Variants in NRG1 observed in about 807,000 individuals in gnomAD.
The protein encoded by NRG1 is pro-neuregulin-1, membrane-bound isoform.
NRG1 carries 18 observed loss-of-function variants against 63.8 expected under a neutral mutation model. The ratio of observed to expected loss-of-function variants is 0.28; its 90% CI spans 0.19 to 0.42. NRG1 has a LOEUF of 0.42. Among genes scored for constraint, NRG1 ranks in the 10% least tolerant of loss-of-function variants. The pLI is 1.00. For synonymous variants in NRG1, 302 were observed against 301.3 expected (o/e 1.00, Z -0.02); for missense variants, 762 against 814.7 (o/e 0.94, Z 0.79).
At chr8:31,907,292 TG>T (rs1195294371) in intron 1 of NRG1, among the ~76,000 whole-genome samples, 1 of 151,960 alleles carries the variant, frequency 6.6e-6, no homozygotes, top group Non-Finnish European at 1.5e-5. Context: ...GACTGGGAAT[TG>T]ATAATACTAA....
At chr8:32,679,060 G>A (rs1807933366) in intron 5 of NRG1, among the ~76,000 whole-genome samples, 1 of 152,016 alleles carries the variant, frequency 6.6e-6, no homozygotes, top group African/African-American at 2.4e-5. Flanking sequence ...AGGAGGCTGA[G>A]GTGGGAGGAT....
chr8:32,414,481 A>G (rs1158497414), intron 1 of NRG1, among the ~76,000 whole-genome samples: 1 of 152,160 alleles, frequency 6.6e-6, no homozygotes, highest in Non-Finnish European at 1.5e-5. Context: ...TTGCATAGTC[A>G]CTATCTTATG....
chr8:32,240,559 A>G (rs774772428), intron 1 of NRG1, among the ~76,000 whole-genome samples: 14 of 152,134 alleles, frequency 9.2e-5, no homozygotes, highest in Non-Finnish European at 1.8e-4. Context: ...ACACATACAC[A>G]TATGAGTGCA....
chr8:32,749,503 T>C, intron 7 of NRG1: 1 of 1,578,676 alleles, frequency 6.3e-7, no homozygotes, highest in Non-Finnish European at 8.7e-7. Context: ...AGTGTATTGC[T>C]CTTTTCTGAA....
intron 1 of NRG1, chr8:31,639,687 G>T: frequency 7.1e-7 from 1 of 1,401,708 alleles, no homozygotes. Flanking sequence ...CGGGGGGTGG[G>T]GGGACCTGTC....
chr8:32,500,681 A>T (rs1827755617), intron 1 of NRG1, among the ~76,000 whole-genome samples: 1 of 152,296 alleles, frequency 6.6e-6, no homozygotes, highest in Non-Finnish European at 1.5e-5. Context: ...TTTTGGAGAG[A>T]TCAGGTAGGG....
At chr8:31,742,772 C>T (rs1160207654) in intron 1 of NRG1, among the ~76,000 whole-genome samples, 1 of 151,848 alleles carries the variant, frequency 6.6e-6, no homozygotes, top group East Asian at 1.9e-4. Context: ...CTGCTATTTT[C>T]AACATGTGGC....
At chr8:32,406,611 G>T (rs1215105438) in intron 1 of NRG1, among the ~76,000 whole-genome samples, 3 of 152,064 alleles carry the variant, frequency 2.0e-5, no homozygotes, top group African/African-American at 4.8e-5. Flanking sequence ...AAAGCAAGTG[G>T]ATACTTAGTA....
chr8:32,396,073 T>C (rs930759467), intron 1 of NRG1, among the ~76,000 whole-genome samples: 2 of 152,218 alleles, frequency 1.3e-5, no homozygotes, highest in South Asian at 2.1e-4. Flanking sequence ...TTCTGTTCTA[T>C]TGATCTATAT....
At chr8:31,784,624 C>T (rs962157918) in intron 1 of NRG1, among the ~76,000 whole-genome samples, 7 of 152,116 alleles carry the variant, frequency 4.6e-5, no homozygotes, top group Non-Finnish European at 1.0e-4. Context: ...CGTAGAATCT[C>T]GGAGAGTGCC....
chr8:32,718,610 A>G (rs1179010770), intron 5 of NRG1, among the ~76,000 whole-genome samples: 1 of 152,168 alleles, frequency 6.6e-6, no homozygotes, highest in Non-Finnish European at 1.5e-5. Flanking sequence ...TTATTATTTT[A>G]TAGCTTCATT....
In NRG1 at chr8:32,093,566, G is replaced by A. The variant is rs537620746; in HGVS notation, c.37+454135G>A. On this transcript the variant is annotated intron_variant, in intron 1 of 10. Coordinates refer to the NRG1 transcript ENST00000519301. The stretch of plus-strand genomic sequence containing the variant: ...AGTTCTTTTTCACTATATAGGAACC[G>A]ACAGACTGGCAGGGTCCTCTAATCT... 3.1e-4 allele frequency among the ~76,000 whole-genome samples: 47 copies of A among 152,256 alleles called. 1 individual carries two copies. The highest frequency in any genetic ancestry group is 1.1e-3 in the African/African-American group (45 of 41,566).
chr8:32,388,005 C>T (rs1025057169), intron 1 of NRG1, among the ~76,000 whole-genome samples: 5 of 152,174 alleles, frequency 3.3e-5, no homozygotes, highest in Admixed American at 6.5e-5. Flanking sequence ...AACAGACTTT[C>T]GGATGAGGAT....
chr8:31,693,127 G>A (rs1809702146), intron 1 of NRG1, among the ~76,000 whole-genome samples: 1 of 152,126 alleles, frequency 6.6e-6, no homozygotes, highest in Non-Finnish European at 1.5e-5. Flanking sequence ...CTCCCTCTCT[G>A]TGCTATCTTG....
chr8:31,958,993 T>A (rs570802284), intron 1 of NRG1, among the ~76,000 whole-genome samples: 3 of 152,270 alleles, frequency 2.0e-5, no homozygotes, highest in Non-Finnish European at 2.9e-5. Context: ...AATCTGTGAC[T>A]TTGGAAATCA....
intron 1 of NRG1, among the ~76,000 whole-genome samples, chr8:31,845,215 T>A (rs994326589): frequency 6.6e-6 from 1 of 152,196 alleles, no homozygotes; most frequent in Non-Finnish European, 1.5e-5. Flanking sequence ...CCAGTTTATA[T>A]TTTATGGTTA....
At chr8:32,271,819 A>G (rs1193888013) in intron 1 of NRG1, among the ~76,000 whole-genome samples, 2 of 152,108 alleles carry the variant, frequency 1.3e-5, no homozygotes, top group Admixed American at 1.3e-4. Flanking sequence ...AACATCCTGA[A>G]ACCAACCCAA....
chr8:32,366,675 G>GTATA lies in NRG1; in HGVS notation c.38-229152_38-229151insATAT, dbSNP rs1461103070. Among the ~76,000 whole-genome samples, 398 of 54,224 alleles carry GTATA rather than the reference G, an allele frequency of 7.3e-3. 3 individuals are homozygous for GTATA. Among genetic ancestry groups the GTATA allele is most frequent in the African/African-American group, 0.025 (346 of 13,772 alleles). The allele number at this position is 54,224 out of a possible 152,430, so 35.6% of individuals were successfully genotyped here. ...ATATTGTGTGTGTGTGTGTGTGTGTGTGTATATATATATATATATATATAT... is the reference window on the plus strand; with the variant it reads ...ATATTGTGTGTGTGTGTGTGTGTGTGTATATGTATATATATATATATATATATAT... On this transcript the variant is annotated intron_variant, in intron 1 of 10. Coordinates refer to the NRG1 transcript ENST00000519301.
intron 1 of NRG1, among the ~76,000 whole-genome samples, chr8:32,305,404 G>T (rs1307239420): frequency 1.3e-5 from 2 of 148,354 alleles, no homozygotes; most frequent in Non-Finnish European, 3.0e-5. Flanking sequence ...CCAGAATGTT[G>T]TTCACCAGAC....
Sources: allele counts gnomAD v4.1 joint callset (sites outside exome capture counted in the v4.1 genomes callset), GRCh38; gene constraint gnomAD v4.1.1; transcripts MANE v1.5; gene names NCBI Gene and HGNC (gene_info 2026-07-23, HGNC 2026-07-21).